The following ATP10D variants were observed in gnomAD, a reference collection of about 807,000 sequenced individuals.
The protein encoded by ATP10D is phospholipid-transporting ATPase VD.
A neutral mutation model predicts 144.8 loss-of-function variants in ATP10D; 89 were observed. The observed-to-expected ratio is 0.61, with a 90% CI of 0.52 to 0.73. The LOEUF (loss-of-function observed/expected upper bound fraction) is 0.73, where lower values mean the gene tolerates loss of function less well. Among genes scored for constraint, ATP10D ranks in the 30% least tolerant of loss-of-function variants. The pLI is 0.00. For missense variants in ATP10D, 1,603 were observed against 1,714.8 expected (o/e 0.93, Z 1.15); for synonymous variants, 571 against 615.1 (o/e 0.93, Z 1.06).
chr4:47,559,526 T>G (rs1258720378), intron 13 of ATP10D, among the ~76,000 whole-genome samples: 1 of 152,230 alleles, frequency 6.6e-6, no homozygotes. Flanking sequence ...TATTCTTTAT[T>G]GAGAATGCAT....
At position 47,525,759 on chromosome 4, in the gene ATP10D, C is replaced by G. The variant is rs551122516; in HGVS notation, c.776+117C>G. ...CTTGTTAAATCACTAAAGGTCGTAA[C>G]TTTAGCCACCTACTAAAATAGTTTG... On this transcript the variant is annotated intron_variant, in intron 5 of 22. Coordinates refer to ENST00000273859, the MANE Select transcript of ATP10D (RefSeq NM_020453.4). 17 of 757,874 alleles carry G rather than the reference C, an allele frequency of 2.2e-5. No individual in the cohort carries two copies. In the East Asian group the frequency reaches 2.7e-4, roughly 12 times the overall value. 46.9% of individuals were successfully genotyped at this position (757,874 alleles called of 1,614,324 possible).
intron 1 of ATP10D, among the ~76,000 whole-genome samples, chr4:47,500,567 G>A (rs1715629914): frequency 6.6e-6 from 1 of 152,184 alleles, no homozygotes; most frequent in Admixed American, 6.5e-5. Context: ...AACCAAGGAT[G>A]ACTCAAAAGT....
At chr4:47,550,258 C>A (rs1718667540) in intron 10 of ATP10D, among the ~76,000 whole-genome samples, 1 of 152,114 alleles carries the variant, frequency 6.6e-6, no homozygotes, top group South Asian at 2.1e-4. Context: ...GCTGCTGCTT[C>A]TCTCTGTTTT....
intron 1 of ATP10D, among the ~76,000 whole-genome samples, chr4:47,495,830 C>T (rs1450258568): frequency 6.6e-6 from 1 of 151,928 alleles, no homozygotes; most frequent in East Asian, 1.9e-4. Context: ...CTCCATCTCC[C>T]GTTTTCAAGC....
At chr4:47,514,659 C>T (rs1716537741) in intron 2 of ATP10D, among the ~76,000 whole-genome samples, 1 of 151,944 alleles carries the variant, frequency 6.6e-6, no homozygotes, top group Non-Finnish European at 1.5e-5. Context: ...GGAAGAAGTT[C>T]CTGAAGAAGG....
intron 19 of ATP10D, among the ~76,000 whole-genome samples, chr4:47,578,950 A>G (rs1720373191): frequency 6.6e-6 from 1 of 152,238 alleles, no homozygotes; most frequent in African/African-American, 2.4e-5. Flanking sequence ...TTTAAGAGAC[A>G]GTGAGACATT....
At chr4:47,525,759 C>T in intron 5 of ATP10D, 117 bp downstream of exon 5, 2 of 757,874 alleles carry the variant, frequency 2.6e-6, no homozygotes, top group South Asian at 3.6e-5. Flanking sequence ...AAGGTCGTAA[C>T]TTTAGCCACC....
intron 10 of ATP10D, 83 bp from the exon 11 acceptor site, chr4:47,554,643 C>CTT: frequency 9.1e-7 from 1 of 1,093,334 alleles, no homozygotes; most frequent in Non-Finnish European, 1.3e-6. Context: ...TAGATCCTGG[C>CTT]TATACAAGTT....
chr4:47,585,291 C>T (rs754588220), intron 21 of ATP10D, among the ~76,000 whole-genome samples: 150 of 151,704 alleles, frequency 9.9e-4, no homozygotes, highest in Non-Finnish European at 1.8e-3. Flanking sequence ...TTTGCACCAA[C>T]CTCATACATT....
intron 5 of ATP10D, among the ~76,000 whole-genome samples, chr4:47,532,639 C>G (rs1004551342): frequency 2.6e-5 from 4 of 152,126 alleles, no homozygotes; most frequent in Admixed American, 1.3e-4. Flanking sequence ...TGCTTTGTGG[C>G]CTGTTTTCAA....
chr4:47,554,873 AACAC>A lies in ATP10D; in HGVS notation c.1785_1788del (p.Asn595LysfsTer2). The stretch of plus-strand genomic sequence containing the variant: ...CTTTTTCATTGCATTGGCAATTTGC[AACAC>A]AGTAGTGGTTTCTGCTCCTAACCAA... On this transcript the variant is annotated frameshift_variant, in exon 11 of 23. Transcript: ENST00000273859. LOFTEE classifies it high-confidence loss of function. 6.2e-7 allele frequency: 1 copy of A among 1,614,172 alleles called. No homozygotes were observed. Among genetic ancestry groups the A allele is most frequent in the Non-Finnish European group, 8.5e-7 (1 of 1,180,018 alleles).
intron 16 of ATP10D, 29 bp downstream of exon 16, chr4:47,569,175 C>A: frequency 6.3e-7 from 1 of 1,597,966 alleles, no homozygotes; most frequent in South Asian, 1.1e-5. Flanking sequence ...GAGTCCTGCT[C>A]TTCTCCCTTT....
At chr4:47,543,236 A>G (rs1415494377) in intron 9 of ATP10D, among the ~76,000 whole-genome samples, 1 of 152,222 alleles carries the variant, frequency 6.6e-6, no homozygotes, top group African/African-American at 2.4e-5. Flanking sequence ...ATGAATAAAC[A>G]TAGTATATTT....
At chr4:47,493,180 G>T (rs4530604) in intron 1 of ATP10D, among the ~76,000 whole-genome samples, 149,794 of 152,316 alleles carry the variant, frequency 0.98, 73,710 homozygotes, top group East Asian at 1. Context: ...TATAAGAAAA[G>T]TAGTTTCACT....
At chr4:47,496,715 AT>A (rs563082470) in intron 1 of ATP10D, among the ~76,000 whole-genome samples, 133 of 151,810 alleles carry the variant, frequency 8.8e-4, no homozygotes, top group Middle Eastern at 3.4e-3. Context: ...AGTTGAAAAT[AT>A]TTTTTTCCTA....
At chr4:47,528,800 G>C (rs941250396) in intron 5 of ATP10D, among the ~76,000 whole-genome samples, 5 of 151,868 alleles carry the variant, frequency 3.3e-5, no homozygotes, top group African/African-American at 1.2e-4. Flanking sequence ...CTTTTTCTCT[G>C]CATCCTTGCC....
chr4:47,516,659 T>C (rs1216038944), intron 3 of ATP10D, among the ~76,000 whole-genome samples: 1 of 152,248 alleles, frequency 6.6e-6, no homozygotes, highest in Non-Finnish European at 1.5e-5. Flanking sequence ...ACTTTCACAA[T>C]GTTTGTTTTT....
intron 9 of ATP10D, among the ~76,000 whole-genome samples, chr4:47,541,043 C>T (rs1248404081): frequency 6.6e-6 from 1 of 152,220 alleles, no homozygotes; most frequent in Non-Finnish European, 1.5e-5. Flanking sequence ...CCCATTTCCA[C>T]TACCTACAAG....
chr4:47,540,861 T>A (rs917554220), intron 9 of ATP10D, among the ~76,000 whole-genome samples: 111 of 152,336 alleles, frequency 7.3e-4, no homozygotes, highest in African/African-American at 2.6e-3. Context: ...TTGATAAACT[T>A]AGCAGTTTTG....
Sources: allele counts gnomAD v4.1 joint callset (sites outside exome capture counted in the v4.1 genomes callset), GRCh38; gene constraint gnomAD v4.1.1; transcripts MANE v1.5; gene names NCBI Gene and HGNC (gene_info 2026-07-23, HGNC 2026-07-21).